PLEKHA1: variants seen among roughly 807,000 people sequenced by gnomAD.
PLEKHA1 encodes pleckstrin homology domain-containing family A member 1.
A neutral mutation model predicts 52.0 loss-of-function variants in PLEKHA1; 34 were observed. The ratio of observed to expected loss-of-function variants is 0.65; its 90% CI spans 0.50 to 0.87. PLEKHA1 has a LOEUF of 0.87. PLEKHA1 is among the 40% of genes least tolerant of loss of function. The pLI is 0.00. For missense variants in PLEKHA1, 497 were observed against 504.2 expected (o/e 0.99, Z 0.14); for synonymous variants, 163 against 170.7 (o/e 0.95, Z 0.35).
intron 8 of PLEKHA1, 122 bp from the exon 9 acceptor site, chr10:122,424,077 G>A: frequency 1.6e-6 from 2 of 1,256,332 alleles, no homozygotes; most frequent in South Asian, 2.9e-5. Flanking sequence ...TTATTTCTGA[G>A]ATGTGCTTCA....
intron 11 of PLEKHA1, among the ~76,000 whole-genome samples, chr10:122,428,585 A>G (rs1480179557): frequency 3.3e-5 from 5 of 152,242 alleles, no homozygotes; most frequent in Non-Finnish European, 7.3e-5. Flanking sequence ...AAAAATTAAT[A>G]TACTCAACTG....
chr10:122,376,525 TATATATATA>T (rs1565091379), intron 1 of PLEKHA1, among the ~76,000 whole-genome samples: 1 of 84,950 alleles, frequency 1.2e-5, no homozygotes, highest in African/African-American at 4.5e-5. Flanking sequence ...TATATATATA[TATATATATA>T]ATATAAATAT....
At chr10:122,403,027 A>G (rs1172974006) in intron 4 of PLEKHA1, among the ~76,000 whole-genome samples, 2 of 152,192 alleles carry the variant, frequency 1.3e-5, no homozygotes, top group African/African-American at 2.4e-5. Context: ...CAACAGCCCT[A>G]CGACAATGCA....
downstream of PLEKHA1, chr10:122,436,890 C>T (rs1276783252): frequency 4.1e-4 from 62 of 152,134 alleles, no homozygotes. Flanking sequence ...TTGCCTCTTT[C>T]CCTCCCGAAC....
intron 7 of PLEKHA1, 137 bp from the exon 8 acceptor site, chr10:122,417,763 G>A (rs566251020): frequency 3.9e-5 from 22 of 567,734 alleles, no homozygotes; most frequent in Middle Eastern, 2.8e-4. Context: ...TTAATTTATC[G>A]CATCTCTAAG....
In PLEKHA1 at chr10:122,424,171, G is replaced by GTTTC. The variant is rs758904148; in HGVS notation, c.682-25_682-24insCTTT. 1.8e-3 allele frequency: 1,690 copies of GTTTC among 953,830 alleles called. 22 individuals are homozygous for GTTTC. The highest frequency in any genetic ancestry group is 4.4e-3 in the South Asian group (212 of 48,044). The allele number at this position is 953,830 out of a possible 1,614,324, so 59.1% of individuals were successfully genotyped here. Reference sequence around the variant, plus strand: ...TTTTAAGAATAAACATCATGTAACTGTTTTTTTTTTTTTTTTTTTTTTGCC... The same window carrying GTTTC: ...TTTTAAGAATAAACATCATGTAACTGTTTCTTTTTTTTTTTTTTTTTTTTTTGCC... On this transcript the variant is annotated intron_variant, in intron 8 of 11. Coordinates refer to ENST00000368990, the MANE Select transcript of PLEKHA1 (RefSeq NM_001001974.4).
In PLEKHA1 at chr10:122,426,943, C is replaced by A. The variant is rs1565336425; in HGVS notation, c.812C>A (p.Ala271Asp). The A allele has an allele frequency of 6.2e-7, 1 of 1,612,450 alleles. No homozygotes were observed. The highest frequency in any genetic ancestry group is 8.5e-7 in the Non-Finnish European group (1 of 1,178,962). ...TGAATGAGTTCTTTTTTCCTTTAGGCTGATAGCCCTGAAGAGATGCACAGT... is the reference window on the plus strand; with the variant it reads ...TGAATGAGTTCTTTTTTCCTTTAGGATGATAGCCCTGAAGAGATGCACAGT... ...VTTSRTFYVQADSPEEMHSWI... is the reference protein window; with the variant it reads ...VTTSRTFYVQDDSPEEMHSWI... Residue 271 changes from alanine to aspartate, a missense_variant and splice_region_variant, in exon 11 of 12, where the codon GCT becomes GAT. Coordinates refer to ENST00000368990, the MANE Select transcript of PLEKHA1 (RefSeq NM_001001974.4).
At chr10:122,400,806 T>C (rs2096917394) in intron 4 of PLEKHA1, among the ~76,000 whole-genome samples, 1 of 152,194 alleles carries the variant, frequency 6.6e-6, no homozygotes, top group Non-Finnish European at 1.5e-5. Context: ...TGGATTAACT[T>C]ACCCAGCAAA....
intron 2 of PLEKHA1, among the ~76,000 whole-genome samples, chr10:122,396,575 G>GT (rs2096852217): frequency 6.6e-6 from 1 of 152,000 alleles, no homozygotes; most frequent in Non-Finnish European, 1.5e-5. Context: ...ACAATAAGCA[G>GT]TTCATGTTTG....
In PLEKHA1 at chr10:122,430,047, C is replaced by T. The variant is rs980316737; in HGVS notation, c.*109C>T. 3.4e-5 allele frequency: 41 copies of T among 1,204,080 alleles called. No homozygotes were observed. Among genetic ancestry groups the T allele is most frequent in the South Asian group, 7.9e-5 (5 of 63,634 alleles). 74.6% of individuals were successfully genotyped at this position (1,204,080 alleles called of 1,614,324 possible). On this transcript the variant is annotated 3_prime_UTR_variant, in exon 12 of 12. Transcript: ENST00000368990. ...AATGGTTTTTAGTGCGTATATTATA[C>T]TGCCTCTTAGGTGTACTCTTTATAA...
At chr10:122,391,951 T>G (rs2096781844) in intron 1 of PLEKHA1, among the ~76,000 whole-genome samples, 1 of 152,190 alleles carries the variant, frequency 6.6e-6, no homozygotes, top group Non-Finnish European at 1.5e-5. Context: ...ATTTTCACTG[T>G]AAGTTAAATT....
chr10:122,416,677 T>G (rs1158718901), intron 7 of PLEKHA1, among the ~76,000 whole-genome samples: 1 of 152,198 alleles, frequency 6.6e-6, no homozygotes, highest in Admixed American at 6.5e-5. Flanking sequence ...CCAATATTTC[T>G]AAGGTTGCAA....
At chr10:122,406,513 T>C in intron 4 of PLEKHA1, 63 bp from the exon 5 acceptor site, 1 of 1,371,574 alleles carries the variant, frequency 7.3e-7, no homozygotes, top group Admixed American at 1.8e-5. Flanking sequence ...TTTCAGCTAC[T>C]GCAAACATAA....
intron 1 of PLEKHA1, among the ~76,000 whole-genome samples, chr10:122,385,881 C>T (rs1397252090): frequency 6.6e-6 from 1 of 152,134 alleles, no homozygotes. Context: ...TATTCGTACA[C>T]CAGTTGAAGG....
the PLEKHA1 span, chr10:122,441,004 A>G: frequency 6.6e-6 from 1 of 152,178 alleles, no homozygotes; most frequent in Non-Finnish European, 1.5e-5. Context: ...CTAATCCCCT[A>G]AGGCAGTGGT....
intron 1 of PLEKHA1, among the ~76,000 whole-genome samples, chr10:122,391,549 C>A (rs1049228050): frequency 1.3e-5 from 2 of 151,982 alleles, no homozygotes; most frequent in Non-Finnish European, 2.9e-5. Context: ...GTATTAGCAC[C>A]CTTGTTGAAA....
chr10:122,426,726 G>A (rs2097344771), intron 10 of PLEKHA1, among the ~76,000 whole-genome samples: 1 of 152,152 alleles, frequency 6.6e-6, no homozygotes, highest in African/African-American at 2.4e-5. Context: ...TGATGGGTCT[G>A]ATCTTGACAT....
Position 122,406,544 on chromosome 10 carries a change from ATATTTGGTGTGT to A in PLEKHA1, c.245-26_245-15del, listed in dbSNP as rs1404110108. 1.3e-6 allele frequency: 2 copies of A among 1,522,460 alleles called. No individual in the cohort carries two copies. The highest frequency in any genetic ancestry group is 2.7e-5 in the African/African-American group (2 of 72,742). The allele number at this position is 1,522,460 out of a possible 1,614,324, so 94.3% of individuals were successfully genotyped here. ...CATAAATTTAGAGGTAATAAGTACA[ATATTTGGTGTGT>A]TATTTTTTTCTGTCAACAGTTATGA... On this transcript the variant is annotated intron_variant, in intron 4 of 11. Coordinates refer to ENST00000368990, the MANE Select transcript of PLEKHA1 (RefSeq NM_001001974.4).
chr10:122,418,188 G>T, intron 8 of PLEKHA1: 1 of 410,392 alleles, frequency 2.4e-6, no homozygotes. Context: ...ATTCCACCTT[G>T]AAAGATCTGA....
Sources: allele counts gnomAD v4.1 joint callset (sites outside exome capture counted in the v4.1 genomes callset), GRCh38; gene constraint gnomAD v4.1.1; transcripts MANE v1.5; gene names NCBI Gene and HGNC (gene_info 2026-07-23, HGNC 2026-07-21).